The following USH2A variants were observed in gnomAD, a reference collection of about 807,000 sequenced individuals.
The protein encoded by USH2A is Usher syndrome 2A (autosomal recessive, mild).
Under a neutral mutation model 538.9 loss-of-function variants are expected in USH2A, and 443 were observed. The ratio of observed to expected loss-of-function variants is 0.82; its 90% CI spans 0.76 to 0.89. The LOEUF (loss-of-function observed/expected upper bound fraction) is 0.89. USH2A is among the 40% of genes least tolerant of loss of function. USH2A has a pLI of 0.00. For synonymous variants in USH2A, 2,413 were observed against 2,273.5 expected, an observed-to-expected ratio of 1.06 and a Z score of -1.75; for missense variants, 6,633 against 6,324.8, an observed-to-expected ratio of 1.05 and a Z score of -1.65.
chr1:215,772,097 C>T lies in USH2A; in HGVS notation c.10940-5309G>A, dbSNP rs183859677. On this transcript the variant is annotated intron_variant, in intron 55 of 71. Coordinates refer to ENST00000307340, the MANE Select transcript of USH2A (RefSeq NM_206933.4). Reference sequence around the variant, plus strand: ...ACTCAATAAAATGAACACATTTCAACTGGAATTTGCTGTCATTTTAAGTAA... The same window carrying T: ...ACTCAATAAAATGAACACATTTCAATTGGAATTTGCTGTCATTTTAAGTAA... Among the ~76,000 whole-genome samples, 10 of 152,242 alleles carry T rather than the reference C, an allele frequency of 6.6e-5. No individual in the cohort carries two copies. The East Asian group carries it at 1.5e-3, about 24-fold the overall frequency.
chr1:215,667,032 A>C (rs999581391), intron 64 of USH2A, among the ~76,000 whole-genome samples: 1 of 152,168 alleles, frequency 6.6e-6, no homozygotes, highest in African/African-American at 2.4e-5. Context: ...TGGAGGTTGC[A>C]GTGAGCCAAG....
At chr1:215,692,220 G>A (rs149697173) in intron 61 of USH2A, among the ~76,000 whole-genome samples, 3 of 152,216 alleles carry the variant, frequency 2.0e-5, no homozygotes, top group Admixed American at 6.5e-5. Context: ...GTTGGAGTGG[G>A]TGGAAGGGAG....
chr1:215,838,765 G>T (rs1443887887), intron 46 of USH2A, among the ~76,000 whole-genome samples: 3 of 152,152 alleles, frequency 2.0e-5, no homozygotes, highest in African/African-American at 7.2e-5. Context: ...AAAGGAACAC[G>T]TTAACCAAGA....
At chr1:216,147,370 A>G (rs1413503336) in intron 21 of USH2A, among the ~76,000 whole-genome samples, 1 of 152,032 alleles carries the variant, frequency 6.6e-6, no homozygotes, top group Non-Finnish European at 1.5e-5. Flanking sequence ...CTGCCCAGCA[A>G]TTTACTCTTA....
chr1:215,693,092 ATGTG>A (rs60566275), intron 61 of USH2A, among the ~76,000 whole-genome samples: 3 of 131,664 alleles, frequency 2.3e-5, no homozygotes, highest in African/African-American at 5.8e-5. Context: ...ATATATATAT[ATGTG>A]TGTGTGTGTG....
intron 3 of USH2A, among the ~76,000 whole-genome samples, chr1:216,366,586 C>T (rs1422212326): frequency 6.6e-6 from 1 of 151,582 alleles, no homozygotes; most frequent in Non-Finnish European, 1.5e-5. Flanking sequence ...TCAATGTCCC[C>T]CCCCAAAAAA....
rs1319166708 is a variant in USH2A, at chr1:216,344,557, T to C, written c.785-16903A>G. ...ATCTGGACCTCTTTCTGGTAACATC[T>C]TTCTGGTGAACCATGGAAGGGACAA... On this transcript the variant is annotated intron_variant, in intron 4 of 71. Transcript: ENST00000307340. Among the ~76,000 whole-genome samples the C allele has an allele frequency of 2.0e-5, 3 of 152,020 alleles. No individual in the cohort carries two copies. In the East Asian group the frequency reaches 5.8e-4, roughly 29 times the overall value.
chr1:216,047,844 G>A (rs888318829), intron 31 of USH2A, among the ~76,000 whole-genome samples: 1 of 152,188 alleles, frequency 6.6e-6, no homozygotes, highest in Non-Finnish European at 1.5e-5. Context: ...TGCTTCAAAT[G>A]TTTTGAGAGC....
chr1:215,709,730 C>T (rs1466826316), intron 61 of USH2A, among the ~76,000 whole-genome samples: 1 of 150,722 alleles, frequency 6.6e-6, no homozygotes, highest in Non-Finnish European at 1.5e-5. Flanking sequence ...AAAAATGATA[C>T]CTATGGTCAT....
intron 32 of USH2A, among the ~76,000 whole-genome samples, chr1:216,041,278 C>A (rs550242818): frequency 6.6e-6 from 1 of 152,056 alleles, no homozygotes; most frequent in African/African-American, 2.4e-5. Flanking sequence ...TAGCTTATGG[C>A]CTATGCAAGG....
At chr1:216,092,566 G>A (rs1327846492) in intron 22 of USH2A, among the ~76,000 whole-genome samples, 1 of 152,190 alleles carries the variant, frequency 6.6e-6, no homozygotes, top group Non-Finnish European at 1.5e-5. Flanking sequence ...TAAGAGAAGA[G>A]TATTCAAAAT....
chr1:215,890,107 A>G (rs1665170996), intron 40 of USH2A, among the ~76,000 whole-genome samples: 6 of 152,186 alleles, frequency 3.9e-5, no homozygotes, highest in Admixed American at 3.3e-4. Context: ...GTAATTCCAG[A>G]ACATTTAGCA....
chr1:216,314,920 A>T (rs1322654001), intron 9 of USH2A, among the ~76,000 whole-genome samples: 2 of 152,200 alleles, frequency 1.3e-5, no homozygotes, highest in African/African-American at 2.4e-5. Flanking sequence ...TAGCCAATGA[A>T]GTGCCAATGC....
At chr1:216,273,123 A>G (rs1405839950) in intron 11 of USH2A, among the ~76,000 whole-genome samples, 1 of 152,158 alleles carries the variant, frequency 6.6e-6, no homozygotes, top group African/African-American at 2.4e-5. Flanking sequence ...CAAAACCTGC[A>G]TGGCATTAGC....
intron 13 of USH2A, among the ~76,000 whole-genome samples, chr1:216,240,221 G>T (rs1377215729): frequency 6.6e-6 from 1 of 152,116 alleles, no homozygotes; most frequent in Non-Finnish European, 1.5e-5. Context: ...TCCCCAACCA[G>T]GAAGTTGTCC....
intron 38 of USH2A, among the ~76,000 whole-genome samples, chr1:215,914,647 A>G (rs1171766622): frequency 2.0e-5 from 3 of 152,116 alleles, no homozygotes; most frequent in Non-Finnish European, 4.4e-5. Context: ...GATCTATCCA[A>G]TATCTCCTTA....
At chr1:215,781,667 A>T (rs1264194115) in intron 54 of USH2A, among the ~76,000 whole-genome samples, 2 of 152,128 alleles carry the variant, frequency 1.3e-5, no homozygotes, top group African/African-American at 4.8e-5. Flanking sequence ...TTAAAATCAG[A>T]CAATTTTTGT....
intron 4 of USH2A, among the ~76,000 whole-genome samples, chr1:216,344,006 A>G (rs1344400147): frequency 6.6e-6 from 1 of 152,072 alleles, no homozygotes; most frequent in African/African-American, 2.4e-5. Flanking sequence ...ACTTGGTTTC[A>G]CTTTACTCTA....
chr1:216,338,544 T>C (rs532490040), intron 4 of USH2A, among the ~76,000 whole-genome samples: 1 of 151,622 alleles, frequency 6.6e-6, no homozygotes, highest in Non-Finnish European at 1.5e-5. Flanking sequence ...CCATAAAAAG[T>C]AACTGATATA....
Sources: allele counts gnomAD v4.1 joint callset (sites outside exome capture counted in the v4.1 genomes callset), GRCh38; gene constraint gnomAD v4.1.1; transcripts MANE v1.5; gene names NCBI Gene and HGNC (gene_info 2026-07-23, HGNC 2026-07-21).